CNTNAP2: variants seen among roughly 807,000 people sequenced by gnomAD.
CNTNAP2 encodes contactin associated protein 2.
Under a neutral mutation model 155.2 loss-of-function variants are expected in CNTNAP2, and 98 were observed. The observed-to-expected ratio is 0.63, with a 90% CI of 0.54 to 0.75. CNTNAP2 has a LOEUF of 0.75. Among genes scored for constraint, CNTNAP2 ranks in the 30% least tolerant of loss-of-function variants. The pLI is 0.00. For missense variants in CNTNAP2, 1,727 were observed against 1,688.1 expected, an observed-to-expected ratio of 1.02 and a Z score of -0.40; for synonymous variants, 651 against 631.2, an observed-to-expected ratio of 1.03 and a Z score of -0.47.
chr7:147,075,163 T>C (rs1199579290), intron 4 of CNTNAP2, among the ~76,000 whole-genome samples: 1 of 152,202 alleles, frequency 6.6e-6, no homozygotes, highest in African/African-American at 2.4e-5. Context: ...AAAAATTCAC[T>C]CATGAATCTC....
chr7:148,365,855 T>C (rs138056663), intron 21 of CNTNAP2, among the ~76,000 whole-genome samples: 2,191 of 64,088 alleles, frequency 0.034, 922 homozygotes, highest in African/African-American at 0.076. Context: ...TGTGTATGCA[T>C]GTATACATGT....
At chr7:146,133,961 G>A (rs1258282802) in intron 1 of CNTNAP2, among the ~76,000 whole-genome samples, 1 of 150,882 alleles carries the variant, frequency 6.6e-6, no homozygotes, top group African/African-American at 2.4e-5. Flanking sequence ...AAAGGCATTG[G>A]TAGCTTGATG....
intron 21 of CNTNAP2, among the ~76,000 whole-genome samples, chr7:148,322,796 G>GTTT (rs1369352160): frequency 2.2e-5 from 2 of 91,870 alleles, no homozygotes; most frequent in East Asian, 2.4e-4. Flanking sequence ...TGTTTTTTGG[G>GTTT]GTTTTTTTTT....
Position 147,892,114 on chromosome 7 carries a change from G to A in CNTNAP2, c.2099-11451G>A, listed in dbSNP as rs567185539. Among the ~76,000 whole-genome samples the A allele has an allele frequency of 1.7e-4, 26 of 152,200 alleles. No homozygotes were observed. The South Asian group carries it at 4.1e-3, about 24-fold the overall frequency. On this transcript the variant is annotated intron_variant, in intron 13 of 23. Transcript: ENST00000361727. ...CATGCAAAAAAAAATCCTAACAAATGAGAAATGACAAATAGCTTCCTTAAA... is the reference window on the plus strand; with the variant it reads ...CATGCAAAAAAAAATCCTAACAAATAAGAAATGACAAATAGCTTCCTTAAA...
In CNTNAP2 at chr7:147,148,258, C is replaced by T. The variant is rs549047940; in HGVS notation, c.1348+15749C>T. Among the ~76,000 whole-genome samples, 33 of 150,690 alleles carry T rather than the reference C, an allele frequency of 2.2e-4. No individual in the cohort carries two copies. In the South Asian group the frequency reaches 6.3e-3, roughly 29 times the overall value. On this transcript the variant is annotated intron_variant, in intron 8 of 23. Coordinates refer to ENST00000361727, the MANE Select transcript of CNTNAP2 (RefSeq NM_014141.6). ...ACAAAAAAATAGCCGGGCGTAGTGG[C>T]GGGCGCCTGTAGTCCCAGCTACTTG... is the stretch of plus-strand genomic sequence containing the variant.
intron 8 of CNTNAP2, among the ~76,000 whole-genome samples, chr7:147,175,532 C>T (rs1359576169): frequency 1.3e-5 from 2 of 152,096 alleles, no homozygotes; most frequent in Non-Finnish European, 2.9e-5. Context: ...CAGAACCTGC[C>T]CTTCCCTCCC....
intron 17 of CNTNAP2, among the ~76,000 whole-genome samples, chr7:148,157,687 C>G (rs533866015): frequency 1.0e-3 from 159 of 152,092 alleles, no homozygotes; most frequent in African/African-American, 3.7e-3. Context: ...GGGGTCTTGC[C>G]TGTTTGGCGG....
chr7:147,690,264 A>C lies in CNTNAP2; in HGVS notation c.2098+50958A>C, dbSNP rs138130004. On this transcript the variant is annotated intron_variant, in intron 13 of 23. Coordinates refer to ENST00000361727, the MANE Select transcript of CNTNAP2 (RefSeq NM_014141.6). ...CACCAGGCAAACTGCCTAATATTTC[A>C]AGACGTAACTCTGATACCACCTTCT... Among the ~76,000 whole-genome samples, 750 of 152,238 alleles carry C rather than the reference A, an allele frequency of 4.9e-3. 5 individuals carry two copies. Among genetic ancestry groups the C allele is most frequent in the African/African-American group, 0.017 (724 of 41,562 alleles).
intron 21 of CNTNAP2, among the ~76,000 whole-genome samples, chr7:148,356,864 G>A (rs1433969030): frequency 6.7e-5 from 10 of 149,534 alleles, no homozygotes; most frequent in Admixed American, 1.3e-4. Flanking sequence ...TCCCATGATC[G>A]AAAATTTTAT....
At chr7:146,645,695 A>C (rs908572054) in intron 1 of CNTNAP2, among the ~76,000 whole-genome samples, 1 of 152,102 alleles carries the variant, frequency 6.6e-6, no homozygotes, top group Non-Finnish European at 1.5e-5. Context: ...GTGAAATTCA[A>C]TGGCTTTTAG....
intron 3 of CNTNAP2, among the ~76,000 whole-genome samples, chr7:146,898,443 A>C (rs572753489): frequency 6.6e-6 from 1 of 152,080 alleles, no homozygotes; most frequent in South Asian, 2.1e-4. Context: ...TAGTTAAATG[A>C]GAGTTTCAAC....
chr7:147,329,767 A>G (rs565243010), intron 9 of CNTNAP2, among the ~76,000 whole-genome samples: 2 of 144,454 alleles, frequency 1.4e-5, no homozygotes, highest in East Asian at 4.6e-4. Context: ...ATCGCCATTT[A>G]TAGTTCTTAA....
intron 20 of CNTNAP2, among the ~76,000 whole-genome samples, chr7:148,233,116 G>T (rs1364796597): frequency 6.6e-6 from 1 of 152,216 alleles, no homozygotes; most frequent in Admixed American, 6.5e-5. Flanking sequence ...ACAAGGTGCA[G>T]CCAGAGAGCA....
At chr7:146,821,344 T>C (rs1002237807) in intron 2 of CNTNAP2, among the ~76,000 whole-genome samples, 6 of 152,152 alleles carry the variant, frequency 3.9e-5, no homozygotes, top group African/African-American at 1.4e-4. Flanking sequence ...TCAGGAGCTC[T>C]TTTAGGGCAG....
At chr7:146,223,042 C>A (rs975697475) in intron 1 of CNTNAP2, among the ~76,000 whole-genome samples, 2 of 152,062 alleles carry the variant, frequency 1.3e-5, no homozygotes, top group Admixed American at 1.3e-4. Context: ...ATGTATGATG[C>A]CTATATGTGC....
intron 1 of CNTNAP2, among the ~76,000 whole-genome samples, chr7:146,125,508 G>A (rs937656362): frequency 2.7e-5 from 4 of 149,868 alleles, no homozygotes; most frequent in African/African-American, 9.9e-5. Flanking sequence ...CCCAGGAGGC[G>A]GAGCTTGCAG....
At chr7:147,721,316 C>T (rs1235947389) in intron 13 of CNTNAP2, among the ~76,000 whole-genome samples, 1 of 151,958 alleles carries the variant, frequency 6.6e-6, no homozygotes, top group African/African-American at 2.4e-5. Context: ...TGGTTTTGGA[C>T]TTGGTTGACA....
intron 21 of CNTNAP2, among the ~76,000 whole-genome samples, chr7:148,348,554 G>T (rs1044281685): frequency 1.3e-5 from 2 of 152,178 alleles, no homozygotes; most frequent in African/African-American, 4.8e-5. Flanking sequence ...CCTCACGGAG[G>T]ACGAGGTGAC....
intron 1 of CNTNAP2, among the ~76,000 whole-genome samples, chr7:146,704,569 A>C (rs1226902318): frequency 6.6e-6 from 1 of 152,002 alleles, no homozygotes; most frequent in Admixed American, 6.6e-5. Context: ...TTCCCATCAC[A>C]CTCTTACAAA....
Sources: gnomAD v4.1 joint callset for allele counts (sites outside exome capture counted in the v4.1 genomes callset) on GRCh38, gnomAD v4.1.1 for gene constraint, MANE v1.5 for transcripts, NCBI Gene and HGNC (gene_info 2026-07-23, HGNC 2026-07-21) for gene names.